Variants in DOCK1 observed in about 807,000 individuals in gnomAD.
DOCK1 encodes the protein dedicator of cytokinesis 1, also known as dedicator of cytokinesis protein 1.
DOCK1 carries 138 observed loss-of-function variants against 262.7 expected under a neutral mutation model. That is an observed-to-expected ratio of 0.53 (90% confidence interval 0.46 to 0.61). The LOEUF is 0.61. Ranked by LOEUF, DOCK1 falls within the 20% of genes least tolerant of loss-of-function variation. DOCK1 has a pLI of 0.00. For missense variants in DOCK1, 1,908 were observed against 2,370.7 expected, an observed-to-expected ratio of 0.80 and a Z score of 4.05; for synonymous variants, 866 against 867.4, an observed-to-expected ratio of 1.00 and a Z score of 0.03.
intron 27 of DOCK1, among the ~76,000 whole-genome samples, chr10:127,186,202 A>G (rs1310680687): frequency 2.0e-5 from 3 of 152,166 alleles, no homozygotes; most frequent in Non-Finnish European, 2.9e-5. Flanking sequence ...TCACACTGCT[A>G]TGAAGAAATG....
At chr10:126,905,923 G>T (rs912985264) in intron 1 of DOCK1, among the ~76,000 whole-genome samples, 1 of 152,122 alleles carries the variant, frequency 6.6e-6, no homozygotes, top group Admixed American at 6.5e-5. Context: ...CTATCTGCGC[G>T]GCTGGGCCCG....
chr10:126,946,418 G>T (rs1201282421), intron 1 of DOCK1, among the ~76,000 whole-genome samples: 5 of 152,090 alleles, frequency 3.3e-5, no homozygotes, highest in Non-Finnish European at 7.4e-5. Flanking sequence ...GTGGTGGCGG[G>T]CACCTGTAAT....
chr10:126,949,381 C>A (rs1334208620), intron 1 of DOCK1, among the ~76,000 whole-genome samples: 1 of 152,138 alleles, frequency 6.6e-6, no homozygotes, highest in Non-Finnish European at 1.5e-5. Flanking sequence ...AGGATTTCGG[C>A]TCCCACGTGT....
At chr10:127,105,001 GCTGTGGGAGGGGAC>G (rs2048450724) in intron 23 of DOCK1, among the ~76,000 whole-genome samples, 1 of 152,304 alleles carries the variant, frequency 6.6e-6, no homozygotes, top group South Asian at 2.1e-4. Flanking sequence ...ATCCCCATGT[GCTGTGGGAGGGGAC>G]CTGTGGGAGG....
chr10:127,308,181 G>T (rs1355620936), intron 29 of DOCK1, among the ~76,000 whole-genome samples: 2 of 152,156 alleles, frequency 1.3e-5, no homozygotes, highest in African/African-American at 4.8e-5. Context: ...CAGCATTGTT[G>T]GCCTCCATCC....
intron 7 of DOCK1, 30 bp from the exon 8 acceptor site, chr10:126,998,062 G>A: frequency 1.9e-6 from 3 of 1,612,550 alleles, no homozygotes; most frequent in Non-Finnish European, 2.5e-6. Context: ...GTGTTGCTGG[G>A]GTTGACTTTC....
intron 25 of DOCK1, among the ~76,000 whole-genome samples, chr10:127,123,717 G>T (rs1391216040): frequency 6.6e-6 from 1 of 152,134 alleles, no homozygotes; most frequent in Non-Finnish European, 1.5e-5. Flanking sequence ...CTCTTAGACT[G>T]GCTTTGTTCT....
intron 51 of DOCK1, among the ~76,000 whole-genome samples, chr10:127,448,012 C>T (rs568713883): frequency 1.3e-5 from 2 of 152,314 alleles, no homozygotes; most frequent in African/African-American, 4.8e-5. Flanking sequence ...CCAAACATCC[C>T]TCCAGGCAGC....
At chr10:127,319,484 C>G (rs945912647) in intron 29 of DOCK1, among the ~76,000 whole-genome samples, 1 of 152,210 alleles carries the variant, frequency 6.6e-6, no homozygotes, top group Admixed American at 6.5e-5. Flanking sequence ...TAATAAATCA[C>G]TTAGCATTAA....
intron 49 of DOCK1, among the ~76,000 whole-genome samples, chr10:127,439,427 G>A (rs2069925210): frequency 6.6e-6 from 1 of 152,236 alleles, no homozygotes. Flanking sequence ...CCTGGAGGAA[G>A]GTGGGCTTAG....
chr10:127,018,889 C>T (rs1044494633), intron 13 of DOCK1, 54 bp downstream of exon 13: 81 of 1,602,154 alleles, frequency 5.1e-5, no homozygotes, highest in East Asian at 3.1e-4. Flanking sequence ...TAGCCGGCCA[C>T]GGAGGATGAC....
intron 27 of DOCK1, among the ~76,000 whole-genome samples, chr10:127,189,465 C>G (rs2379166): frequency 0.15 from 22,786 of 152,022 alleles, 2,053 homozygotes; most frequent in African/African-American, 0.25. Context: ...GGTGTTTTTG[C>G]CACATGGACA....
intron 1 of DOCK1, among the ~76,000 whole-genome samples, chr10:126,943,972 G>A (rs1471619237): frequency 6.6e-6 from 1 of 152,146 alleles, no homozygotes; most frequent in Non-Finnish European, 1.5e-5. Flanking sequence ...AAGGTTCAGA[G>A]TGGATGATTC....
chr10:127,426,191 T>C (rs986108148), intron 47 of DOCK1, among the ~76,000 whole-genome samples, 180 bp downstream of exon 47: 3 of 152,154 alleles, frequency 2.0e-5, no homozygotes, highest in Non-Finnish European at 4.4e-5. Context: ...CTCAGCAACC[T>C]CCTTTCAATA....
At chr10:126,964,908 A>C (rs1276215414) in intron 1 of DOCK1, among the ~76,000 whole-genome samples, 1 of 152,260 alleles carries the variant, frequency 6.6e-6, no homozygotes, top group African/African-American at 2.4e-5. Flanking sequence ...AAGACGAACA[A>C]ATGCTACAGC....
intron 26 of DOCK1, among the ~76,000 whole-genome samples, chr10:127,126,791 G>A (rs921639453): frequency 3.3e-5 from 5 of 152,122 alleles, no homozygotes; most frequent in African/African-American, 7.2e-5. Context: ...GTCCCTGGCC[G>A]TTTCCTGCAT....
intron 30 of DOCK1, among the ~76,000 whole-genome samples, chr10:127,342,444 T>A (rs529792806): frequency 7.9e-5 from 12 of 152,186 alleles, no homozygotes; most frequent in Non-Finnish European, 1.5e-4. Context: ...TGGGCTGGTC[T>A]CTAAATCTCA....
At chr10:127,153,489 G>A (rs1006680274) in intron 27 of DOCK1, among the ~76,000 whole-genome samples, 2 of 152,102 alleles carry the variant, frequency 1.3e-5, no homozygotes, top group Admixed American at 6.5e-5. Flanking sequence ...TAGCACATAC[G>A]GTGTGCTTTC....
At chr10:127,084,934 T>C (rs1328454640) in intron 23 of DOCK1, among the ~76,000 whole-genome samples, 1 of 152,216 alleles carries the variant, frequency 6.6e-6, no homozygotes, top group Non-Finnish European at 1.5e-5. Context: ...GAGACCACCT[T>C]AGCCTGGGTT....
Sources: allele counts gnomAD v4.1 joint callset (sites outside exome capture counted in the v4.1 genomes callset), GRCh38; gene constraint gnomAD v4.1.1; transcripts MANE v1.5; gene names NCBI Gene and HGNC (gene_info 2026-07-23, HGNC 2026-07-21).